The following SLC9A1 variants were observed in gnomAD, a reference collection of about 807,000 sequenced individuals.
SLC9A1 encodes sodium/hydrogen exchanger 1.
A neutral mutation model predicts 67.9 loss-of-function variants in SLC9A1; 22 were observed. The ratio of observed to expected loss-of-function variants is 0.32; its 90% confidence interval spans 0.23 to 0.46. SLC9A1 has a LOEUF of 0.46. Among genes scored for constraint, SLC9A1 ranks in the 20% least tolerant of loss-of-function variants. The pLI, the probability that SLC9A1 is intolerant of heterozygous loss-of-function variation, is 1.00. For missense variants in SLC9A1, 686 were observed against 1,094.8 expected (o/e 0.63, Z 5.27); for synonymous variants, 421 against 471.8 (o/e 0.89, Z 1.40).
At chr1:27,135,053 G>C (rs1375769753) in intron 1 of SLC9A1, among the ~76,000 whole-genome samples, 1 of 150,046 alleles carries the variant, frequency 6.7e-6, no homozygotes, top group Admixed American at 6.6e-5. Flanking sequence ...TTGTTTTTAT[G>C]CCAAATTTTT....
In SLC9A1 at chr1:27,118,742, G is replaced by A. The variant is rs749596414; in HGVS notation, c.353-4456C>T. Reference sequence around the variant, plus strand: ...TAAGAGCTGGAATGGATCTTGGAGAGCATCTAAATTCTCCATTATATAGTC... The same window carrying A: ...TAAGAGCTGGAATGGATCTTGGAGAACATCTAAATTCTCCATTATATAGTC... On this transcript the variant is annotated intron_variant, in intron 1 of 11. Transcript: ENST00000263980. This position sits in a 1 kb window ranked among gnomAD's most constrained non-coding sequence, Gnocchi z 4.3. Among the ~76,000 whole-genome samples, 5 of 152,172 alleles carry A rather than the reference G, an allele frequency of 3.3e-5. No homozygotes were observed. The highest frequency in any genetic ancestry group is 6.5e-5 in the Admixed American group (1 of 15,284).
In SLC9A1 at chr1:27,106,995, C is replaced by A. The variant is rs993546440; in HGVS notation, c.1282+653G>T. Among the ~76,000 whole-genome samples the A allele has an allele frequency of 4.0e-5, 6 of 151,654 alleles. No homozygotes were observed. Among genetic ancestry groups the A allele is most frequent in the Non-Finnish European group, 8.8e-5 (6 of 67,882 alleles). On this transcript the variant is annotated intron_variant, in intron 4 of 11. Transcript: ENST00000263980. This position sits in a 1 kb window ranked among gnomAD's most constrained non-coding sequence, Gnocchi z 4.3. ...GGCTTCTCCCTGCTGAAGGGCCCATCATGGAAATGGGAAGTCCCTCCTGTC... is the reference window on the plus strand; with the variant it reads ...GGCTTCTCCCTGCTGAAGGGCCCATAATGGAAATGGGAAGTCCCTCCTGTC...
chr1:27,131,818 G>A (rs375648149), intron 1 of SLC9A1, among the ~76,000 whole-genome samples: 153 of 144,422 alleles, frequency 1.1e-3, no homozygotes, highest in African/African-American at 3.3e-3. Context: ...CTACATGGGA[G>A]GCTGAGGCAG....
Position 27,101,131 on chromosome 1 carries a change from C to G in SLC9A1, c.2110+72G>C, listed in dbSNP as rs1270048194. 4.1e-6 allele frequency: 5 copies of G among 1,206,170 alleles called. No homozygotes were observed. The East Asian group carries it at 1.2e-4, about 29-fold the overall frequency. 74.7% of individuals were successfully genotyped at this position (1,206,170 alleles called of 1,614,324 possible). On this transcript the variant is annotated intron_variant, in intron 11 of 11. Transcript: ENST00000263980. This position sits in a 1 kb window ranked among gnomAD's most constrained non-coding sequence, Gnocchi z 4.9. ...GTCCTCCCAGTGGCTGAGGACTGTT[C>G]CTGTGGAGCCCCATCCTCAGGAGGT...
intron 1 of SLC9A1, among the ~76,000 whole-genome samples, chr1:27,145,453 T>A (rs925988413): frequency 5.9e-5 from 9 of 152,260 alleles, no homozygotes; most frequent in Non-Finnish European, 1.2e-4. Context: ...GGCTGGCTGA[T>A]GCAAAGACAC....
Position 27,106,126 on chromosome 1 carries a change from G to C in SLC9A1, c.1283-39C>G. 1 of 1,363,390 alleles carries C rather than the reference G, an allele frequency of 7.3e-7. No individual in the cohort carries two copies. 84.5% of individuals were successfully genotyped at this position (1,363,390 alleles called of 1,614,324 possible). ...CAGGGGGTGATGAGGGTCAGGTCGG[G>C]CTGTCCCCAGTCCCTCCTGGATTCT... On this transcript the variant is annotated intron_variant, in intron 4 of 11. Coordinates refer to ENST00000263980, the MANE Select transcript of SLC9A1 (RefSeq NM_003047.5). This position sits in a 1 kb window ranked among gnomAD's most constrained non-coding sequence, Gnocchi z 4.3.
intron 5 of SLC9A1, among the ~76,000 whole-genome samples, chr1:27,105,297 C>T (rs924059609): frequency 2.0e-5 from 3 of 152,108 alleles, no homozygotes; most frequent in Non-Finnish European, 4.4e-5. Flanking sequence ...ACCCACTTCT[C>T]TCTCTTTTTC....
In SLC9A1 at chr1:27,100,217, C is replaced by T. The variant is rs900913812; in HGVS notation, c.*90G>A. On this transcript the variant is annotated 3_prime_UTR_variant, in exon 12 of 12. Transcript: ENST00000263980. The surrounding 1 kb of genome is among the most constrained non-coding windows in gnomAD (Gnocchi z 5.6). ...GGTAGGGGGAGGGGCAGGGCCAATC[C>T]GGGTCAGGAAGGGCAAGGGGAGCCC... 1.1e-5 allele frequency: 11 copies of T among 992,788 alleles called. No individual in the cohort carries two copies. Among genetic ancestry groups the T allele is most frequent in the African/African-American group, 6.6e-5 (4 of 60,624 alleles). 61.5% of individuals were successfully genotyped at this position (992,788 alleles called of 1,614,324 possible). A position where few individuals can be genotyped will look rare whatever the true frequency, so the allele number is the denominator to read the frequency against.
At chr1:27,113,629 C>T (rs528868312) in intron 2 of SLC9A1, among the ~76,000 whole-genome samples, 197 bp downstream of exon 2, 142 of 152,304 alleles carry the variant, frequency 9.3e-4, no homozygotes, top group Admixed American at 2.6e-3. Flanking sequence ...ATAATAAGCA[C>T]CTCTTAAGGC....
chr1:27,137,762 T>C lies in SLC9A1; in HGVS notation c.352+16221A>G, dbSNP rs1207208849. On this transcript the variant is annotated intron_variant, in intron 1 of 11. Coordinates refer to ENST00000263980, the MANE Select transcript of SLC9A1 (RefSeq NM_003047.5). The surrounding 1 kb of genome is among the most constrained non-coding windows in gnomAD (Gnocchi z 4.6). ...ATGACAGGTCTGGTGACTGTTTGCC[T>C]GCAGGCGCTGAGGCTCAGCAAGGGA... Among the ~76,000 whole-genome samples, 1 of 152,202 alleles carries C rather than the reference T, an allele frequency of 6.6e-6. No homozygotes were observed. The highest frequency in any genetic ancestry group is 6.5e-5 in the Admixed American group (1 of 15,286).
intron 1 of SLC9A1, among the ~76,000 whole-genome samples, chr1:27,140,803 G>A (rs1337813065): frequency 6.6e-6 from 1 of 152,154 alleles, no homozygotes; most frequent in Non-Finnish European, 1.5e-5. Flanking sequence ...CCAGCTAGGT[G>A]GGGTAACATA....
chr1:27,153,922 G>A, intron 1 of SLC9A1, 61 bp downstream of exon 1: 1 of 1,141,164 alleles, frequency 8.8e-7, no homozygotes, highest in South Asian at 1.5e-5. Context: ...AATGGTGCGA[G>A]ATGAGGCAAG....
chr1:27,145,702 G>A (rs1392906901), intron 1 of SLC9A1, among the ~76,000 whole-genome samples: 1 of 152,216 alleles, frequency 6.6e-6, no homozygotes, highest in East Asian at 1.9e-4. Flanking sequence ...CTGAATCTCA[G>A]TTAGAACTGC....
intron 1 of SLC9A1, among the ~76,000 whole-genome samples, chr1:27,129,385 G>C (rs1337749786): frequency 6.6e-6 from 1 of 152,174 alleles, no homozygotes; most frequent in Non-Finnish European, 1.5e-5. Context: ...TAGGAGCCAC[G>C]AGATGTAGAG....
intron 1 of SLC9A1, among the ~76,000 whole-genome samples, chr1:27,122,593 C>T (rs760183598): frequency 7.9e-5 from 12 of 152,104 alleles, no homozygotes; most frequent in Non-Finnish European, 1.5e-4. Flanking sequence ...TTCAGCCTGG[C>T]CCTGAATGCC....
chr1:27,109,723 C>T lies in SLC9A1; in HGVS notation c.868G>A (p.Asp290Asn), dbSNP rs765936955. The change falls in exon 3 of 12, where the codon GAC becomes AAC. Residue 290 changes from aspartate to asparagine, a missense_variant. Around this residue, in one of 7 missense-constraint regions of SLC9A1, gnomAD observed 58 missense variants for 68.9 expected, o/e 0.84. Transcript: ENST00000263980. This position sits in a 1 kb window ranked among gnomAD's most constrained non-coding sequence, Gnocchi z 5.5. ...AAGCTCAGGAAGCCGAGGAAGATGT[C>T]CACGATGCCCACGTGTTCGTAGTTG... ...FANYEHVGIV[D>N]IFLGFLSFFV... 6.2e-7 allele frequency: 1 copy of T among 1,614,060 alleles called. No individual in the cohort carries two copies. Among genetic ancestry groups the T allele is most frequent in the Non-Finnish European group, 8.5e-7 (1 of 1,180,018 alleles).
Position 27,100,773 on chromosome 1 carries a change from C to A in SLC9A1, c.2111-129G>T. On this transcript the variant is annotated intron_variant, in intron 11 of 11. Coordinates refer to ENST00000263980, the MANE Select transcript of SLC9A1 (RefSeq NM_003047.5). This position sits in a 1 kb window ranked among gnomAD's most constrained non-coding sequence, Gnocchi z 5.6. ...CAGCCGTCCCGGTCCCAACAGGCCT[C>A]AGAAGCAGGCCTCTGCGACCTTCCA... The A allele has an allele frequency of 1.4e-6, 1 of 735,372 alleles. No homozygotes were observed. Among genetic ancestry groups the A allele is most frequent in the East Asian group, 2.5e-5 (1 of 39,776 alleles). The allele number at this position is 735,372 out of a possible 1,614,324, so 45.6% of individuals were successfully genotyped here. A position where few individuals can be genotyped will look rare whatever the true frequency, so the allele number is the denominator to read the frequency against.
At position 27,154,010 on chromosome 1, in the gene SLC9A1, T is replaced by A; in HGVS notation, c.325A>T (p.Ile109Phe). The change falls in exon 1 of 12, where the codon ATC becomes TTC. Residue 109 changes from isoleucine to phenylalanine, a missense_variant. By Grantham distance (21) the Ile-to-Phe change is conservative (BLOSUM62 0). Around this residue, in one of 7 missense-constraint regions of SLC9A1, gnomAD observed 143 missense variants for 166.7 expected, o/e 0.86. Coordinates refer to ENST00000263980, the MANE Select transcript of SLC9A1 (RefSeq NM_003047.5). ...ATCTTCATGAGGCAGGCCAGAAGGATCCAGAGGGAGATCTCGAAGGGGGTG... is the reference window on the plus strand; with the variant it reads ...ATCTTCATGAGGCAGGCCAGAAGGAACCAGAGGGAGATCTCGAAGGGGGTG... ...VRTPFEISLW[I>F]LLACLMKIGF... 1.3e-6 allele frequency: 2 copies of A among 1,582,736 alleles called. No individual in the cohort carries two copies. The highest frequency in any genetic ancestry group is 1.7e-6 in the Non-Finnish European group (2 of 1,160,562).
intron 1 of SLC9A1, among the ~76,000 whole-genome samples, chr1:27,116,265 CAGG>C (rs1005062311): frequency 1.3e-5 from 2 of 152,096 alleles, no homozygotes; most frequent in East Asian, 3.9e-4. Flanking sequence ...GAGGCTGAGA[CAGG>C]AGAATTGCTT....
Sources: gnomAD v4.1 joint callset for allele counts (sites outside exome capture counted in the v4.1 genomes callset) on GRCh38, gnomAD v4.1.1 for gene constraint, gnomAD v4.1.1 regional missense constraint, Gnocchi (gnomAD v3.1) non-coding constraint, MANE v1.5 for transcripts, NCBI Gene and HGNC (gene_info 2026-07-23, HGNC 2026-07-21) for gene names.